The following SETBP1 variants were observed in gnomAD, a reference collection of about 807,000 sequenced individuals.
The protein encoded by SETBP1 is SET-binding protein.
Under a neutral mutation model 101.0 loss-of-function variants are expected in SETBP1, and 9 were observed. The observed-to-expected ratio is 0.09, with a 90% CI of 0.05 to 0.16. SETBP1 has a LOEUF of 0.16. Ranked by LOEUF, SETBP1 falls within the 10% of genes least tolerant of loss-of-function variation. The probability of loss-of-function intolerance (pLI) is 1.00; values close to 1 mark genes in which losing one functional copy is unlikely to be tolerated. For synonymous variants in SETBP1, 818 were observed against 788.5 expected (o/e 1.04, Z -0.63); for missense variants, 1,858 against 2,033.8 (o/e 0.91, Z 1.66).
At chr18:45,021,742 G>C (rs2073074108) in intron 4 of SETBP1, among the ~76,000 whole-genome samples, 1 of 152,128 alleles carries the variant, frequency 6.6e-6, no homozygotes, top group Non-Finnish European at 1.5e-5. Context: ...CTCTCTCTAA[G>C]CCCTCCTCTC....
At chr18:44,789,527 A>G (rs1224354811) in intron 2 of SETBP1, among the ~76,000 whole-genome samples, 1 of 152,210 alleles carries the variant, frequency 6.6e-6, no homozygotes, top group African/African-American at 2.4e-5. Flanking sequence ...GTGGAAGATC[A>G]CTCAGCAGAA....
At chr18:44,856,052 CTTG>C (rs1195075526) in intron 2 of SETBP1, among the ~76,000 whole-genome samples, 2 of 139,068 alleles carry the variant, frequency 1.4e-5, no homozygotes, top group Non-Finnish European at 3.1e-5. Context: ...CTTAATCCAT[CTTG>C]TTTTTTTTTT....
chr18:44,950,947 A>G lies in SETBP1; in HGVS notation c.1607A>G (p.Lys536Arg). Residue 536 changes from lysine (K) to arginine (R), a missense_variant, in exon 4 of 6, where the codon AAA becomes AGA. Physicochemically the swap from Lys to Arg is conservative, Grantham distance 26. Coordinates refer to ENST00000649279, the MANE Select transcript of SETBP1 (RefSeq NM_015559.3). ...FAAKRRWTCS[K>R]PKPSTMLREA... ...GCAAAACGAAGGTGGACTTGCAGCA[A>G]ACCAAAACCTAGCACCATGCTTCGA... is the stretch of plus-strand genomic sequence containing the variant. 3 of 1,614,094 alleles carry G rather than the reference A, an allele frequency of 1.9e-6. No homozygotes were observed. The highest frequency in any genetic ancestry group is 2.5e-6 in the Non-Finnish European group (3 of 1,180,014).
chr18:44,747,834 G>A (rs998783345), intron 2 of SETBP1, among the ~76,000 whole-genome samples: 7 of 152,166 alleles, frequency 4.6e-5, no homozygotes, highest in Non-Finnish European at 8.8e-5. Context: ...CTTCAAGTGT[G>A]GTTGAGTTTA....
At chr18:44,861,205 T>A (rs926394044) in intron 2 of SETBP1, among the ~76,000 whole-genome samples, 1 of 150,706 alleles carries the variant, frequency 6.6e-6, no homozygotes, top group African/African-American at 2.4e-5. Flanking sequence ...AAAACCACTG[T>A]CTTGTGGATT....
At chr18:44,702,796 G>T (rs1426033737) in intron 2 of SETBP1, among the ~76,000 whole-genome samples, 2 of 152,318 alleles carry the variant, frequency 1.3e-5, no homozygotes, top group Middle Eastern at 3.4e-3. Flanking sequence ...AGCCAGTGAT[G>T]AGCATTAGAA....
At chr18:44,740,157 G>A (rs2070064580) in intron 2 of SETBP1, among the ~76,000 whole-genome samples, 1 of 152,330 alleles carries the variant, frequency 6.6e-6, no homozygotes, top group South Asian at 2.1e-4. Context: ...GGCATTGTGA[G>A]TCATAGGGCT....
intron 2 of SETBP1, among the ~76,000 whole-genome samples, chr18:44,816,258 G>A (rs2071973719): frequency 1.3e-5 from 2 of 152,164 alleles, no homozygotes; most frequent in East Asian, 1.9e-4. Flanking sequence ...GAGGTTTAGG[G>A]CAGACCCCTG....
At chr18:44,882,990 A>C (rs1460824259) in intron 3 of SETBP1, among the ~76,000 whole-genome samples, 3 of 152,214 alleles carry the variant, frequency 2.0e-5, no homozygotes, top group Non-Finnish European at 4.4e-5. Context: ...AAAGACTCTC[A>C]GAAATCATGA....
intron 4 of SETBP1, among the ~76,000 whole-genome samples, chr18:44,965,284 A>AACACACACACACAC (rs60728043): frequency 0.08 from 11,701 of 146,932 alleles, 623 homozygotes; most frequent in East Asian, 0.21. Context: ...CATGCACACA[A>AACACACACACACAC]ACACACACAC....
chr18:44,840,124 T>C (rs1046944920), intron 2 of SETBP1, among the ~76,000 whole-genome samples: 1 of 150,488 alleles, frequency 6.6e-6, no homozygotes, highest in African/African-American at 2.5e-5. Flanking sequence ...CCCTGCACCC[T>C]GCCATGTGTA....
intron 3 of SETBP1, among the ~76,000 whole-genome samples, chr18:44,921,567 G>A (rs370837086): frequency 1.2e-4 from 18 of 152,338 alleles, no homozygotes; most frequent in African/African-American, 4.3e-4. Context: ...TTTGCTTTCA[G>A]TAGTGCTTTA....
At chr18:44,749,241 G>A (rs568221303) in intron 2 of SETBP1, among the ~76,000 whole-genome samples, 1 of 152,248 alleles carries the variant, frequency 6.6e-6, no homozygotes, top group South Asian at 2.1e-4. Flanking sequence ...CCCTCGTTGG[G>A]GAGTTAATAA....
intron 2 of SETBP1, among the ~76,000 whole-genome samples, chr18:44,738,845 C>G (rs893240236): frequency 2.6e-5 from 4 of 151,806 alleles, no homozygotes; most frequent in Admixed American, 6.6e-5. Flanking sequence ...ACAGAGTCTC[C>G]TTTTATGTGT....
intron 2 of SETBP1, among the ~76,000 whole-genome samples, chr18:44,772,173 T>G (rs1053631689): frequency 1.3e-5 from 2 of 152,194 alleles, no homozygotes; most frequent in African/African-American, 4.8e-5. Context: ...CCTGGGCTTT[T>G]CCAAAGGTTG....
At chr18:44,776,242 G>T (rs2144658688) in intron 2 of SETBP1, among the ~76,000 whole-genome samples, 1 of 152,190 alleles carries the variant, frequency 6.6e-6, no homozygotes. Context: ...TTCTTCCAGG[G>T]CTCCACCGCG....
chr18:44,987,670 G>C (rs2072270470), intron 4 of SETBP1: 1 of 152,140 alleles, frequency 6.6e-6, no homozygotes, highest in Non-Finnish European at 1.5e-5. Context: ...GCAATGATTG[G>C]TTTGGTTCTC....
intron 4 of SETBP1, among the ~76,000 whole-genome samples, chr18:45,029,729 A>C (rs1173274870): frequency 1.3e-5 from 2 of 152,028 alleles, no homozygotes; most frequent in African/African-American, 2.4e-5. Flanking sequence ...CCTTCATATC[A>C]CTTGTAAGTT....
chr18:44,767,803 A>G (rs932356243), intron 2 of SETBP1, among the ~76,000 whole-genome samples: 1 of 152,222 alleles, frequency 6.6e-6, no homozygotes, highest in African/African-American at 2.4e-5. Context: ...AATAAAACGA[A>G]ATAGACGTTT....
Sources: gnomAD v4.1 joint callset for allele counts (sites outside exome capture counted in the v4.1 genomes callset) on GRCh38, gnomAD v4.1.1 for gene constraint, MANE v1.5 for transcripts, NCBI Gene and HGNC (gene_info 2026-07-23, HGNC 2026-07-21) for gene names.